Variants in SDK2 observed in about 807,000 individuals in gnomAD.
SDK2 encodes sidekick cell adhesion molecule 2.
Under a neutral mutation model 253.9 loss-of-function variants are expected in SDK2, and 105 were observed. The observed-to-expected ratio is 0.41, with a 90% confidence interval of 0.35 to 0.49. The LOEUF (loss-of-function observed/expected upper bound fraction) is 0.49. Ranked by LOEUF, SDK2 falls within the 20% of genes least tolerant of loss-of-function variation. SDK2 has a pLI of 0.06. For missense variants in SDK2, 2,608 were observed against 3,003.0 expected (o/e 0.87, Z 3.07); for synonymous variants, 1,249 against 1,234.9 (o/e 1.01, Z -0.24).
intron 1 of SDK2, among the ~76,000 whole-genome samples, chr17:73,557,247 C>G (rs890348817): frequency 2.6e-5 from 4 of 152,150 alleles, no homozygotes; most frequent in African/African-American, 7.2e-5. Context: ...CCCCAGTGAA[C>G]AAGCTCGACC....
intron 1 of SDK2, among the ~76,000 whole-genome samples, chr17:73,611,598 C>T (rs1296442796): frequency 6.6e-6 from 1 of 152,244 alleles, no homozygotes; most frequent in Non-Finnish European, 1.5e-5. Context: ...CTCATGGAGG[C>T]CTGAGTTTGA....
chr17:73,407,744 A>G (rs533412319), intron 18 of SDK2, among the ~76,000 whole-genome samples: 2 of 152,258 alleles, frequency 1.3e-5, no homozygotes, highest in Non-Finnish European at 2.9e-5. Flanking sequence ...GCCAGAACCA[A>G]TTCATTATAC....
chr17:73,485,151 C>A (rs779084659), intron 2 of SDK2, among the ~76,000 whole-genome samples: 29 of 152,092 alleles, frequency 1.9e-4, no homozygotes, highest in African/African-American at 7.0e-4. Context: ...AGGCTTGAGC[C>A]GTGGGGTGAC....
At chr17:73,354,035 G>A (rs935084902) in intron 40 of SDK2, among the ~76,000 whole-genome samples, 1 of 151,986 alleles carries the variant, frequency 6.6e-6, no homozygotes, top group East Asian at 1.9e-4. Context: ...CTGCAGGAAA[G>A]ATTTGGTTTT....
At chr17:73,419,762 T>G (rs2063213969) in intron 15 of SDK2, among the ~76,000 whole-genome samples, 1 of 147,954 alleles carries the variant, frequency 6.8e-6, no homozygotes, top group Non-Finnish European at 1.5e-5. Flanking sequence ...CTTGCACCTG[T>G]AATCCCAAAT....
rs926254166 is a variant in SDK2 at position 73,334,654 on chromosome 17, A to C, written c.*3933T>G. The stretch of plus-strand genomic sequence containing the variant: ...TTTCTGGAGTCTAGATGGATGGAGA[A>C]AGGTAACACGTTTAAATGCTTTTGG... On this transcript the variant is annotated 3_prime_UTR_variant, in exon 45 of 45. Transcript: ENST00000392650. The C allele has an allele frequency of 2.0e-5, 3 of 152,224 alleles. No individual in the cohort carries two copies. The highest frequency in any genetic ancestry group is 7.2e-5 in the African/African-American group (3 of 41,450). The allele number at this position is 152,224 out of a possible 1,614,324, so 9.4% of individuals were successfully genotyped here.
chr17:73,355,175 T>TATATA (rs1555750470), intron 40 of SDK2, among the ~76,000 whole-genome samples: 2 of 15,726 alleles, frequency 1.3e-4, no homozygotes, highest in African/African-American at 3.3e-4. Flanking sequence ...TATATATATA[T>TATATA]TTTTTTTTTT....
rs76280324 is a variant in SDK2, at chr17:73,399,686, C to A, written c.2972-397G>T. On this transcript the variant is annotated intron_variant, in intron 21 of 44. Transcript: ENST00000392650. ...GGGACCGATCCTCCCTTCCATCCGC[C>A]CAGACCCCTGCACACCTCCTACGCC... Among the ~76,000 whole-genome samples, 502 of 152,286 alleles carry A rather than the reference C, an allele frequency of 3.3e-3. 16 individuals are homozygous for A. The East Asian group carries it at 0.055, about 17-fold the overall frequency.
intron 1 of SDK2, among the ~76,000 whole-genome samples, chr17:73,536,653 C>T (rs1044103808): frequency 1.4e-4 from 22 of 152,196 alleles, no homozygotes; most frequent in Non-Finnish European, 3.1e-4. Flanking sequence ...GTGCGGGGGT[C>T]GCAAAATCAC....
chr17:73,536,895 C>G (rs2044783498), intron 1 of SDK2, among the ~76,000 whole-genome samples: 1 of 152,200 alleles, frequency 6.6e-6, no homozygotes, highest in Non-Finnish European at 1.5e-5. Context: ...ACTAATCCCC[C>G]TAATGGGATC....
At chr17:73,585,320 G>A (rs987439085) in intron 1 of SDK2, among the ~76,000 whole-genome samples, 1 of 152,216 alleles carries the variant, frequency 6.6e-6, no homozygotes, top group Non-Finnish European at 1.5e-5. Context: ...TCTGGAGCCT[G>A]TGCAAGGCCA....
At chr17:73,507,345 C>T in intron 2 of SDK2, 93 bp downstream of exon 2, 1 of 1,346,530 alleles carries the variant, frequency 7.4e-7, no homozygotes, top group African/African-American at 1.5e-5. Flanking sequence ...CTGAGCCCCA[C>T]ACTGTCACAC....
rs1007929285 is a variant in SDK2, at chr17:73,629,059, G to A, written c.64+14966C>T. On this transcript the variant is annotated intron_variant, in intron 1 of 44. Coordinates refer to ENST00000392650, the MANE Select transcript of SDK2 (RefSeq NM_001144952.2). The surrounding 1 kb of genome is among the most constrained non-coding windows in gnomAD (Gnocchi z 5.0). The stretch of plus-strand genomic sequence containing the variant: ...AGAGAACTCAGTCCTGCCAGAGACT[G>A]GCCAGCAGCTGCAGTGGGTGGAGCC... Among the ~76,000 whole-genome samples, 3 of 152,206 alleles carry A rather than the reference G, an allele frequency of 2.0e-5. No individual in the cohort carries two copies. Among genetic ancestry groups the A allele is most frequent in the African/African-American group, 7.2e-5 (3 of 41,440 alleles).
chr17:73,584,883 G>A (rs532317335), intron 1 of SDK2, among the ~76,000 whole-genome samples: 6 of 152,392 alleles, frequency 3.9e-5, no homozygotes, highest in African/African-American at 1.4e-4. Flanking sequence ...TTCAGAACAG[G>A]AAGACGCTCA....
chr17:73,365,565 C>T (rs1231533785), intron 37 of SDK2, among the ~76,000 whole-genome samples, 170 bp from the exon 38 acceptor site: 2 of 152,076 alleles, frequency 1.3e-5, no homozygotes, highest in East Asian at 3.9e-4. Context: ...CATCAGGCCC[C>T]CTTCCTCTCC....
chr17:73,641,914 G>C (rs981850398), intron 1 of SDK2, among the ~76,000 whole-genome samples: 2 of 152,100 alleles, frequency 1.3e-5, no homozygotes, highest in African/African-American at 4.8e-5. Flanking sequence ...CCTTTGCAAG[G>C]CTTGCCTCCA....
At chr17:73,486,835 C>T (rs1039868469) in intron 2 of SDK2, among the ~76,000 whole-genome samples, 5 of 151,874 alleles carry the variant, frequency 3.3e-5, no homozygotes, top group African/African-American at 1.2e-4. Context: ...AAGGGAGGGG[C>T]GGTGGGCTGG....
chr17:73,592,939 G>T (rs768546882), intron 1 of SDK2, among the ~76,000 whole-genome samples: 1 of 152,030 alleles, frequency 6.6e-6, no homozygotes, highest in African/African-American at 2.4e-5. Flanking sequence ...TGTTTGCAGC[G>T]CATGGGGGTG....
intron 1 of SDK2, among the ~76,000 whole-genome samples, chr17:73,579,991 GAAAA>G (rs59008482): frequency 7.9e-6 from 1 of 127,124 alleles, no homozygotes; most frequent in Non-Finnish European, 1.7e-5. Flanking sequence ...AAAGAAAAAA[GAAAA>G]AAAAAAAAAA....
Sources: gnomAD v4.1 joint callset for allele counts (sites outside exome capture counted in the v4.1 genomes callset) on GRCh38, gnomAD v4.1.1 for gene constraint, Gnocchi (gnomAD v3.1) non-coding constraint, MANE v1.5 for transcripts, NCBI Gene and HGNC (gene_info 2026-07-23, HGNC 2026-07-21) for gene names.